MAP2K5: variants seen among roughly 807,000 people sequenced by gnomAD.
MAP2K5 encodes the protein dual specificity mitogen-activated protein kinase kinase 5.
Under a neutral mutation model 83.1 loss-of-function variants are expected in MAP2K5, and 49 were observed. That is an observed-to-expected ratio of 0.59 (90% CI 0.47 to 0.75). The LOEUF is 0.75. Among genes scored for constraint, MAP2K5 ranks in the 30% least tolerant of loss-of-function variants. The pLI is 0.00. For missense variants in MAP2K5, 457 were observed against 557.5 expected, an observed-to-expected ratio of 0.82 and a Z score of 1.82; for synonymous variants, 202 against 191.8, an observed-to-expected ratio of 1.05 and a Z score of -0.44.
At chr15:67,578,568 C>T (rs543315267) in intron 3 of MAP2K5, among the ~76,000 whole-genome samples, 1 of 152,072 alleles carries the variant, frequency 6.6e-6, no homozygotes, top group African/African-American at 2.4e-5. Flanking sequence ...AAACAAAAAA[C>T]ACAACCTAAC....
intron 2 of MAP2K5, 62 bp downstream of exon 2, chr15:67,550,144 A>G: frequency 7.7e-7 from 1 of 1,302,438 alleles, no homozygotes; most frequent in Non-Finnish European, 1.1e-6. Flanking sequence ...TAAAGGGTTT[A>G]TGGGTGGCAT....
chr15:67,726,388 A>G (rs2141246415), intron 16 of MAP2K5, among the ~76,000 whole-genome samples: 1 of 152,366 alleles, frequency 6.6e-6, no homozygotes, highest in Non-Finnish European at 1.5e-5. Flanking sequence ...GGTTTTGGTA[A>G]TATCCATAGG....
intron 1 of MAP2K5, among the ~76,000 whole-genome samples, chr15:67,549,441 T>C (rs141804835): frequency 6.6e-6 from 1 of 152,228 alleles, no homozygotes; most frequent in African/African-American, 2.4e-5. Context: ...TATATCGTCA[T>C]GGAAACTTGG....
At chr15:67,617,922 G>A (rs2086090701) in intron 8 of MAP2K5, among the ~76,000 whole-genome samples, 1 of 152,046 alleles carries the variant, frequency 6.6e-6, no homozygotes, top group Non-Finnish European at 1.5e-5. Context: ...TTGAACTCTT[G>A]GACTCAAGCA....
intron 8 of MAP2K5, among the ~76,000 whole-genome samples, chr15:67,604,689 G>A (rs182196046): frequency 1.1e-4 from 17 of 152,190 alleles, no homozygotes; most frequent in African/African-American, 4.1e-4. Context: ...GAGGTCAAGA[G>A]ATTGAGACCA....
At position 67,577,521 on chromosome 15, in the gene MAP2K5, T is replaced by C. The variant is rs1341071944; in HGVS notation, c.253-3233T>C. ...TGTTACATTTCTGTCCAAGCTATTATGTTCAGTATCTTAGTGTACAAAGTT... is the reference window on the plus strand; with the variant it reads ...TGTTACATTTCTGTCCAAGCTATTACGTTCAGTATCTTAGTGTACAAAGTT... On this transcript the variant is annotated intron_variant, in intron 3 of 21. Coordinates refer to ENST00000178640, the MANE Select transcript of MAP2K5 (RefSeq NM_145160.3). The surrounding 1 kb of genome is among the most constrained non-coding windows in gnomAD (Gnocchi z 4.1). Among the ~76,000 whole-genome samples the C allele has an allele frequency of 2.0e-5, 3 of 152,346 alleles. No homozygotes were observed. Among genetic ancestry groups the C allele is most frequent in the East Asian group, 3.9e-4 (2 of 5,186 alleles).
intron 13 of MAP2K5, among the ~76,000 whole-genome samples, chr15:67,685,901 T>G (rs2087939456): frequency 6.6e-6 from 1 of 152,236 alleles, no homozygotes; most frequent in East Asian, 1.9e-4. Context: ...GGCCTATCAT[T>G]GCATTTGCAC....
At position 67,785,351 on chromosome 15, in the gene MAP2K5, C is replaced by T. The variant is rs1010465272; in HGVS notation, c.1242+12599C>T. Among the ~76,000 whole-genome samples, 1 of 152,188 alleles carries T rather than the reference C, an allele frequency of 6.6e-6. No homozygotes were observed. Among genetic ancestry groups the T allele is most frequent in the Non-Finnish European group, 1.5e-5 (1 of 68,042 alleles). ...TTCAGTTCAGCTTTTTGGAGCAAAA[C>T]GTTGTGAGCGAAGAAAGCTGTTTGC... On this transcript the variant is annotated intron_variant, in intron 21 of 21. Coordinates refer to ENST00000178640, the MANE Select transcript of MAP2K5 (RefSeq NM_145160.3). This position sits in a 1 kb window ranked among gnomAD's most constrained non-coding sequence, Gnocchi z 4.4.
intron 8 of MAP2K5, among the ~76,000 whole-genome samples, chr15:67,613,233 C>T (rs1325786703): frequency 1.3e-5 from 2 of 152,184 alleles, no homozygotes; most frequent in African/African-American, 4.8e-5. Flanking sequence ...AAGGCAAGAA[C>T]AGTGCAGAAA....
At position 67,793,877 on chromosome 15, in the gene MAP2K5, A is replaced by T. The variant is rs1231531011; in HGVS notation, c.1243-12769A>T. Among the ~76,000 whole-genome samples the T allele has an allele frequency of 6.6e-6, 1 of 152,230 alleles. No individual in the cohort carries two copies. ...TTCTGAGAGGACCAAAGAGTCATGA[A>T]TGTGCCAGGGAAAGTCCTTAGGTTC... On this transcript the variant is annotated intron_variant, in intron 21 of 21. Coordinates refer to ENST00000178640, the MANE Select transcript of MAP2K5 (RefSeq NM_145160.3). The surrounding 1 kb of genome is among the most constrained non-coding windows in gnomAD (Gnocchi z 4.6).
chr15:67,611,263 G>A (rs970380329), intron 8 of MAP2K5, among the ~76,000 whole-genome samples: 3 of 151,986 alleles, frequency 2.0e-5, no homozygotes, highest in Admixed American at 6.6e-5. Context: ...TAAGTGGTGG[G>A]GTAAAATACA....
At position 67,638,537 on chromosome 15, in the gene MAP2K5, A is replaced by G. The variant is rs1037823309; in HGVS notation, c.585+7610A>G. 6.6e-5 allele frequency among the ~76,000 whole-genome samples: 10 copies of G among 152,152 alleles called. No homozygotes were observed. The highest frequency in any genetic ancestry group is 2.2e-4 in the African/African-American group (9 of 41,422). On this transcript the variant is annotated intron_variant, in intron 9 of 21. Transcript: ENST00000178640. This position sits in a 1 kb window ranked among gnomAD's most constrained non-coding sequence, Gnocchi z 4.5. ...GAATAGTGCTGCAATGACCATTTGC[A>G]TGCGTGTGTCTTTATAATAGAATGC... is the stretch of plus-strand genomic sequence containing the variant.
At position 67,634,895 on chromosome 15, in the gene MAP2K5, A is replaced by G. The variant is rs180698537; in HGVS notation, c.585+3968A>G. On this transcript the variant is annotated intron_variant, in intron 9 of 21. Coordinates refer to ENST00000178640, the MANE Select transcript of MAP2K5 (RefSeq NM_145160.3). ...CTTTTTAAGTGAGAGTATTGAGACT[A>G]TTTACATTTCATATGATTATTGATA... is the stretch of plus-strand genomic sequence containing the variant. Among the ~76,000 whole-genome samples the G allele has an allele frequency of 3.3e-3, 508 of 152,116 alleles. 2 individuals carry two copies. Among genetic ancestry groups the G allele is most frequent in the African/African-American group, 0.012 (485 of 41,492 alleles).
rs2090283509 is a variant in MAP2K5 at position 67,779,055 on chromosome 15, T to C, written c.1242+6303T>C. 6.6e-6 allele frequency among the ~76,000 whole-genome samples: 1 copy of C among 152,230 alleles called. No individual in the cohort carries two copies. Among genetic ancestry groups the C allele is most frequent in the Non-Finnish European group, 1.5e-5 (1 of 68,044 alleles). ...CTTGTAAACATCATTTTGTTTTCAG[T>C]TGTTCATTTGGAAGTAGCTCATTAG... On this transcript the variant is annotated intron_variant, in intron 21 of 21. Transcript: ENST00000178640. This position sits in a 1 kb window ranked among gnomAD's most constrained non-coding sequence, Gnocchi z 4.6.
rs1240451191 is a variant in MAP2K5 at position 67,802,009 on chromosome 15, AG to A, written c.1243-4635del. On this transcript the variant is annotated intron_variant, in intron 21 of 21. Coordinates refer to ENST00000178640, the MANE Select transcript of MAP2K5 (RefSeq NM_145160.3). The surrounding 1 kb of genome is among the most constrained non-coding windows in gnomAD (Gnocchi z 5.0). The stretch of plus-strand genomic sequence containing the variant: ...CACTGGACTGGAAGTCCAGCCCCAC[AG>A]GCCTCAGGCAGCACCCACACACTGC... 6.6e-6 allele frequency among the ~76,000 whole-genome samples: 1 copy of A among 152,182 alleles called. No homozygotes were observed. The highest frequency in any genetic ancestry group is 1.5e-5 in the Non-Finnish European group (1 of 68,020).
chr15:67,658,812 G>T (rs12438118), intron 12 of MAP2K5, 198 bp downstream of exon 12: 173,572 of 622,200 alleles, frequency 0.28, 28,830 homozygotes, highest in East Asian at 0.55. Context: ...ACGCTTATGT[G>T]CTCCAACCTG....
intron 11 of MAP2K5, among the ~76,000 whole-genome samples, chr15:67,653,043 T>C (rs562356990): frequency 1.1e-4 from 17 of 152,318 alleles, no homozygotes; most frequent in African/African-American, 4.1e-4. Flanking sequence ...ACTGGTTTAG[T>C]CAGATTTTTT....
intron 3 of MAP2K5, among the ~76,000 whole-genome samples, chr15:67,571,318 T>A (rs2084942928): frequency 6.6e-6 from 1 of 152,178 alleles, no homozygotes; most frequent in East Asian, 1.9e-4. Context: ...AAATAAAATA[T>A]ACAAGGCATG....
intron 7 of MAP2K5, among the ~76,000 whole-genome samples, chr15:67,595,456 G>A (rs2085504493): frequency 6.6e-6 from 1 of 152,134 alleles, no homozygotes; most frequent in African/African-American, 2.4e-5. Context: ...GATGGGACTA[G>A]TTTCTGTCAG....
Sources: allele counts gnomAD v4.1 joint callset (sites outside exome capture counted in the v4.1 genomes callset), GRCh38; gene constraint gnomAD v4.1.1; non-coding constraint Gnocchi (gnomAD v3.1); transcripts MANE v1.5; gene names NCBI Gene and HGNC (gene_info 2026-07-23, HGNC 2026-07-21).